Variants in REG1B observed in about 807,000 individuals in gnomAD.
REG1B encodes lithostathine-1-beta.
In REG1B, 21 loss-of-function variants were observed where a neutral mutation model predicts 20.4. The observed-to-expected ratio is 1.03, with a 90% CI of 0.73 to 1.48. The LOEUF (loss-of-function observed/expected upper bound fraction) is 1.48, where lower values mean the gene tolerates loss of function less well. Among genes scored for constraint, REG1B ranks in the 40% most tolerant of loss-of-function variants. The probability of loss-of-function intolerance (pLI) is 0.00; values close to 1 mark genes in which losing one functional copy is unlikely to be tolerated. For synonymous variants in REG1B, 82 were observed against 73.4 expected (o/e 1.12, Z -0.60); for missense variants, 247 against 197.2 (o/e 1.25, Z -1.51).
At position 79,086,417 on chromosome 2, in the gene REG1B, T is replaced by C. The variant is rs1672400101; in HGVS notation, c.271A>G (p.Ser91Gly). ...GAFVASLIKE[S>G]STDDSNVWIG... ...CAGACATTGCTGTCATCAGTGCTAC[T>C]CTCCTTAATCAGTGAGGCCACGAAG... Residue 91 changes from serine to glycine, a missense_variant, in exon 4 of 6, where the codon AGT becomes GGT. Transcript: ENST00000305089. 1 of 1,614,088 alleles carries C rather than the reference T, an allele frequency of 6.2e-7. No homozygotes were observed. The highest frequency in any genetic ancestry group is 2.2e-5 in the East Asian group (1 of 44,876).
rs1042910387 is a variant in REG1B at position 79,085,636 on chromosome 2, G to T, written c.322-33C>A. On this transcript the variant is annotated intron_variant, in intron 4 of 5. Transcript: ENST00000305089. Reference sequence around the variant, plus strand: ...GAGAAGGGCCAGAACAGGGGCCATGGTCACTCAAAAATCAATAGAATAACC... The same window carrying T: ...GAGAAGGGCCAGAACAGGGGCCATGTTCACTCAAAAATCAATAGAATAACC... The T allele has an allele frequency of 2.3e-5, 33 of 1,437,804 alleles. No homozygotes were observed. The Admixed American group carries it at 5.6e-4, about 24-fold the overall frequency. 89.1% of individuals were successfully genotyped at this position (1,437,804 alleles called of 1,614,324 possible).
intron 5 of REG1B, 42 bp downstream of exon 5, chr2:79,085,450 G>T (rs1672383684): frequency 3.3e-6 from 5 of 1,513,328 alleles, no homozygotes; most frequent in Non-Finnish European, 4.6e-6. Flanking sequence ...GAGATAAGTG[G>T]GAAGGAAATG....
intron 1 of REG1B, 28 bp from the exon 2 acceptor site, chr2:79,087,686 TGAA>T: frequency 6.8e-7 from 1 of 1,461,528 alleles, no homozygotes; most frequent in Non-Finnish European, 9.5e-7. Context: ...GAAGAGGGTT[TGAA>T]GAAGAGAGCA....
intron 3 of REG1B, 150 bp downstream of exon 3, chr2:79,086,662 G>C: frequency 7.6e-7 from 1 of 1,308,710 alleles, no homozygotes; most frequent in South Asian, 1.2e-5. Context: ...TGTGTCAAAT[G>C]ATGGGATAAA....
At position 79,086,423 on chromosome 2, in the gene REG1B, TAATC is replaced by T. The variant is rs776337938; in HGVS notation, c.261_264del (p.Ile88ArgfsTer52). ...TTGCTGTCATCAGTGCTACTCTCCTTAATCAGTGAGGCCACGAAGGCACCCTCCG... is the reference window on the plus strand; with the variant it reads ...TTGCTGTCATCAGTGCTACTCTCCTTAGTGAGGCCACGAAGGCACCCTCCG... On this transcript the variant is annotated frameshift_variant, in exon 4 of 6. Coordinates refer to ENST00000305089, the MANE Select transcript of REG1B (RefSeq NM_006507.4). LOFTEE classifies it high-confidence loss of function. The T allele has an allele frequency of 6.2e-6, 10 of 1,614,106 alleles. No homozygotes were observed. The Admixed American group carries it at 1.7e-4, about 27-fold the overall frequency.
rs1672375909 is a variant in REG1B at position 79,085,025 on chromosome 2, C to G, written c.*191G>C. 1.7e-6 allele frequency: 1 copy of G among 582,152 alleles called. No individual in the cohort carries two copies. Among genetic ancestry groups the G allele is most frequent in the East Asian group, 2.9e-5 (1 of 34,858 alleles). 36.1% of individuals were successfully genotyped at this position (582,152 alleles called of 1,614,324 possible). On this transcript the variant is annotated 3_prime_UTR_variant, in exon 6 of 6. Transcript: ENST00000305089. ...AAGAGCAAATGCAGAAGACAGAACA[C>G]TGGATAAAAATAAGTTTGTTTTTAT...
chr2:79,086,726 C>A (rs769395955), intron 3 of REG1B, 86 bp downstream of exon 3: 1 of 1,381,438 alleles, frequency 7.2e-7, no homozygotes, highest in South Asian at 1.2e-5. Flanking sequence ...TCAATCTTAT[C>A]TCATTGCAGC....
rs1672401055 is a variant in REG1B at position 79,086,460 on chromosome 2, G to A, written c.228C>T (p.Leu76=). ...NMNSGNLVSV[L]TQAEGAFVAS... ...CCACGAAGGCACCCTCCGCCTGGGTGAGCACAGACACCAGGTTGCCTGAAT... is the reference window on the plus strand; with the variant it reads ...CCACGAAGGCACCCTCCGCCTGGGTAAGCACAGACACCAGGTTGCCTGAAT... The change falls in exon 4 of 6, where the codon CTC becomes CTT. Residue 76 remains leucine (L), a synonymous_variant. Transcript: ENST00000305089. 1.2e-6 allele frequency: 2 copies of A among 1,614,086 alleles called. No individual in the cohort carries two copies. The highest frequency in any genetic ancestry group is 8.5e-7 in the Non-Finnish European group (1 of 1,180,004).
chr2:79,085,125 G>C lies in REG1B; in HGVS notation c.*91C>G. 2.3e-6 allele frequency: 2 copies of C among 877,582 alleles called. No homozygotes were observed. The highest frequency in any genetic ancestry group is 3.8e-6 in the Non-Finnish European group (2 of 520,654). 54.4% of individuals were successfully genotyped at this position (877,582 alleles called of 1,614,324 possible). ...ATGCAAACTCATTAGGGAGGAGATG[G>C]TCTGAACTGAGTTGGAGACATAGTC... On this transcript the variant is annotated 3_prime_UTR_variant, in exon 6 of 6. Coordinates refer to ENST00000305089, the MANE Select transcript of REG1B (RefSeq NM_006507.4).
rs1672404558 is a variant in REG1B at position 79,086,666 on chromosome 2, G to T, written c.183+146C>A. On this transcript the variant is annotated intron_variant, in intron 3 of 5. Transcript: ENST00000305089. ...TGTGCTGGGAATGTGTCAAATGATG[G>T]GATAAAGTAGATTGGGAAGTTTGGG... 3.1e-6 allele frequency: 4 copies of T among 1,305,144 alleles called. No individual in the cohort carries two copies. In the Admixed American group the frequency reaches 5.1e-5, roughly 17 times the overall value. 80.8% of individuals were successfully genotyped at this position (1,305,144 alleles called of 1,614,324 possible). A position where few individuals can be genotyped will look rare whatever the true frequency, so the allele number is the denominator to read the frequency against.
chr2:79,085,473 T>G lies in REG1B; in HGVS notation c.433+19A>C. 1.3e-6 allele frequency: 2 copies of G among 1,584,624 alleles called. No homozygotes were observed. Among genetic ancestry groups the G allele is most frequent in the South Asian group, 1.1e-5 (1 of 90,508 alleles). On this transcript the variant is annotated intron_variant, in intron 5 of 5. Transcript: ENST00000305089. ...TGGGAAGGAAATGGCAACAGGTGGA[T>G]AGATTGTCTGCCTCTCACCTGAGCA...
intron 4 of REG1B, 73 bp from the exon 5 acceptor site, chr2:79,085,676 A>G (rs1573184848): frequency 1.1e-5 from 10 of 906,040 alleles, no homozygotes; most frequent in South Asian, 1.1e-4. Context: ...CTGTGTGCAC[A>G]CTCAGAAACA....
intron 5 of REG1B, 48 bp downstream of exon 5, chr2:79,085,444 T>G (rs1672383570): frequency 6.8e-7 from 1 of 1,478,056 alleles, no homozygotes; most frequent in Non-Finnish European, 9.5e-7. Context: ...TCCCCAGAGA[T>G]AAGTGGGAAG....
Position 79,087,242 on chromosome 2 carries a change from G to A in REG1B, c.64+307C>T, listed in dbSNP as rs887028879. 4.9e-5 allele frequency: 26 copies of A among 530,982 alleles called. 1 individual carries two copies. The Middle Eastern group carries it at 1.5e-3, about 31-fold the overall frequency. 32.9% of individuals were successfully genotyped at this position (530,982 alleles called of 1,614,324 possible). On this transcript the variant is annotated intron_variant, in intron 2 of 5. Transcript: ENST00000305089. ...AGTTTCTCTCGGTTTCCCTGCACAC[G>A]TTTGCCTTAGCTCTCCATCCTAGCA...
rs748159045 is a variant in REG1B at position 79,085,597 on chromosome 2, G to C, written c.328C>G (p.Arg110Gly). 2.5e-6 allele frequency: 4 copies of C among 1,611,088 alleles called. No homozygotes were observed. In the Admixed American group the frequency reaches 6.7e-5, roughly 27 times the overall value. Residue 110 changes from arginine (R) to glycine (G), a missense_variant, in exon 5 of 6, where the codon CGC becomes GGC. Coordinates refer to ENST00000305089, the MANE Select transcript of REG1B (RefSeq NM_006507.4). Reference sequence around the variant, plus strand: ...AGGGACCCACTACTCCAGTGCCAGCGGCGGTTCTAGATGGAGAAGGGCCAG... The same window carrying C: ...AGGGACCCACTACTCCAGTGCCAGCCGCGGTTCTAGATGGAGAAGGGCCAG... ...IGLHDPKKNR[R>G]WHWSSGSLVS...
intron 2 of REG1B, 82 bp downstream of exon 2, chr2:79,087,467 T>G: frequency 7.0e-7 from 1 of 1,438,700 alleles, no homozygotes; most frequent in East Asian, 2.3e-5. Flanking sequence ...TGACTCTGCT[T>G]TTTTTCAAGT....
chr2:79,087,670 C>A lies in REG1B; in HGVS notation c.-46-12G>T. ...CAAATCAGCAATCTCTGTAGGAGAACACAGGGAAGAGGGTTTGAAGAAGAG... is the reference window on the plus strand; with the variant it reads ...CAAATCAGCAATCTCTGTAGGAGAAAACAGGGAAGAGGGTTTGAAGAAGAG... On this transcript the variant is annotated splice_polypyrimidine_tract_variant and intron_variant, in intron 1 of 5. Transcript: ENST00000305089. 2 of 1,548,456 alleles carry A rather than the reference C, an allele frequency of 1.3e-6. No individual in the cohort carries two copies. The highest frequency in any genetic ancestry group is 1.7e-5 in the Admixed American group (1 of 58,536).
Position 79,087,654 on chromosome 2 carries a change from A to C in REG1B, c.-42T>G, listed in dbSNP as rs1672419619. 1.2e-6 allele frequency: 2 copies of C among 1,600,580 alleles called. No homozygotes were observed. Among genetic ancestry groups the C allele is most frequent in the Non-Finnish European group, 1.7e-6 (2 of 1,168,688 alleles). On this transcript the variant is annotated 5_prime_UTR_variant, in exon 2 of 6. The change creates a new upstream start codon in the 5' untranslated region. Transcript: ENST00000305089. ...TCTCTTGCTTAAGGAGCAAATCAGC[A>C]ATCTCTGTAGGAGAACACAGGGAAG...
Position 79,087,083 on chromosome 2 carries a change from T to G in REG1B, c.65-153A>C, listed in dbSNP as rs1167905934. 16 of 637,428 alleles carry G rather than the reference T, an allele frequency of 2.5e-5. 1 individual carries two copies. The highest frequency in any genetic ancestry group is 4.3e-4 in the Middle Eastern group (1 of 2,330). 39.5% of individuals were successfully genotyped at this position (637,428 alleles called of 1,614,324 possible). On this transcript the variant is annotated intron_variant, in intron 2 of 5. Coordinates refer to ENST00000305089, the MANE Select transcript of REG1B (RefSeq NM_006507.4). ...CTCACTTCTGCCCTCCTGCATCCTA[T>G]CTCTTTTCTCTCTAGTTTCCTCTGC...
Sources: gnomAD v4.1 joint callset for allele counts on GRCh38, gnomAD v4.1.1 for gene constraint, MANE v1.5 for transcripts, NCBI Gene and HGNC (gene_info 2026-07-23, HGNC 2026-07-21) for gene names.